Variants in TRARG1 observed in about 807,000 individuals in gnomAD.
The protein encoded by TRARG1 is trafficking regulator of GLUT4 (SLC2A4) 1 (gene/pseudogene), also known as trafficking regulator of GLUT4 1.
A neutral mutation model predicts 13.3 loss-of-function variants in TRARG1; 16 were observed. The ratio of observed to expected loss-of-function variants is 1.20; its 90% CI spans 0.81 to 1.83. The LOEUF is 1.83. Ranked by LOEUF, TRARG1 falls within the 40% of genes most tolerant of loss-of-function variation. TRARG1 has a pLI of 0.00. For missense variants in TRARG1, 250 were observed against 237.4 expected, an observed-to-expected ratio of 1.05 and a Z score of -0.35; for synonymous variants, 113 against 106.2, an observed-to-expected ratio of 1.06 and a Z score of -0.39.
chr17:1,292,717 A>T (rs954852648), intron 1 of TRARG1, among the ~76,000 whole-genome samples: 2 of 152,334 alleles, frequency 1.3e-5, no homozygotes, highest in Admixed American at 6.5e-5. Context: ...TCCTTCCTCC[A>T]GGAAGTCTTC....
intron 1 of TRARG1, among the ~76,000 whole-genome samples, chr17:1,282,178 GTGCGTATATGTACGTGTA>G (rs1310605741): frequency 7.0e-6 from 1 of 143,392 alleles, no homozygotes; most frequent in African/African-American, 2.8e-5. Flanking sequence ...ACGTATACAC[GTGCGTATATGTACGTGTA>G]CACGTGCGTA....
chr17:1,289,436 C>CCGGGTTCCTCATCCCCCAG (rs2072054798), intron 1 of TRARG1, among the ~76,000 whole-genome samples: 1 of 125,172 alleles, frequency 8.0e-6, no homozygotes, highest in African/African-American at 3.1e-5. Flanking sequence ...TCATCCCCCA[C>CCGGGTTCCTCATCCCCCAG]GGGCTCCTCA....
rs2072143950 is a variant in TRARG1 at position 1,300,089 on chromosome 17, T to C, written c.*1825T>C. On this transcript the variant is annotated 3_prime_UTR_variant, in exon 3 of 3. Transcript: ENST00000333813. ...TCCTGCTCATACAGAAGGGACTGGT[T>C]GGGTTTGCTTTATGGGATCTTTGAG... 6.6e-6 allele frequency: 1 copy of C among 152,236 alleles called. No homozygotes were observed. The highest frequency in any genetic ancestry group is 1.5e-5 in the Non-Finnish European group (1 of 68,076). 9.4% of individuals were successfully genotyped at this position (152,236 alleles called of 1,614,324 possible).
chr17:1,296,908 G>C (rs1266619530), intron 2 of TRARG1, among the ~76,000 whole-genome samples: 1 of 151,550 alleles, frequency 6.6e-6, no homozygotes, highest in Non-Finnish European at 1.5e-5. Context: ...GCCTCCTAAA[G>C]TGCTGGGATG....
rs201625477 is a variant in TRARG1, at chr17:1,280,161, G to A, written c.160G>A (p.Glu54Lys). The A allele has an allele frequency of 2.0e-4, 320 of 1,614,024 alleles. No homozygotes were observed. The highest frequency in any genetic ancestry group is 2.5e-4 in the Non-Finnish European group (290 of 1,179,984). Reference protein sequence around the residue: ...SKTLSGPLDLEQNSQGLPFKA... With the variant: ...SKTLSGPLDLKQNSQGLPFKA... ...GACCCTCTCGGGGCCTCTGGATCTGGAGCAGAACAGCCAGGGCCTACCCTT... is the reference window on the plus strand; with the variant it reads ...GACCCTCTCGGGGCCTCTGGATCTGAAGCAGAACAGCCAGGGCCTACCCTT... Residue 54 changes from glutamate to lysine, a missense_variant, in exon 1 of 3, where the codon GAG (glutamate) becomes AAG (lysine). Transcript: ENST00000333813.
chr17:1,295,355 A>C, intron 1 of TRARG1, 136 bp from the exon 2 acceptor site: 2 of 1,141,042 alleles, frequency 1.8e-6, no homozygotes, highest in Non-Finnish European at 2.5e-6. Context: ...CCTCTCCCCT[A>C]GAGTGTGGGC....
intron 1 of TRARG1, among the ~76,000 whole-genome samples, chr17:1,282,089 T>G (rs531126247): frequency 6.7e-6 from 1 of 149,870 alleles, no homozygotes; most frequent in East Asian, 2.0e-4. Flanking sequence ...TATATGTACA[T>G]ATATACGTAT....
intron 1 of TRARG1, among the ~76,000 whole-genome samples, chr17:1,282,057 T>TACACGTATAC (rs2071979124): frequency 1.6e-5 from 1 of 63,918 alleles, no homozygotes; most frequent in African/African-American, 6.1e-5. Context: ...TACACATATG[T>TACACGTATAC]ACATGTATAC....
At chr17:1,285,797 G>T (rs2072015685) in intron 1 of TRARG1, among the ~76,000 whole-genome samples, 1 of 151,846 alleles carries the variant, frequency 6.6e-6, no homozygotes, top group Non-Finnish European at 1.5e-5. Flanking sequence ...GAGATGTGGG[G>T]GTCTCTAACA....
At position 1,300,754 on chromosome 17, in the gene TRARG1, GCCC is replaced by G. The variant is rs2072149829; in HGVS notation, c.*2492_*2494del. ...TGGACGGAGGGTCCCCACAGCCCGT[GCCC>G]CACGCCGCCTGGAGGCCAGAGGGGT... is the stretch of plus-strand genomic sequence containing the variant. On this transcript the variant is annotated 3_prime_UTR_variant, in exon 3 of 3. Transcript: ENST00000333813. The G allele has an allele frequency of 3.9e-5, 6 of 152,434 alleles. No homozygotes were observed. Among genetic ancestry groups the G allele is most frequent in the Non-Finnish European group, 8.8e-5 (6 of 68,202 alleles). 9.4% of individuals were successfully genotyped at this position (152,434 alleles called of 1,614,324 possible).
At chr17:1,280,680 C>T (rs1336609992) in intron 1 of TRARG1, among the ~76,000 whole-genome samples, 4 of 152,166 alleles carry the variant, frequency 2.6e-5, no homozygotes, top group East Asian at 1.9e-4. Context: ...CGATACATCC[C>T]GCGGGGCAGA....
intron 1 of TRARG1, among the ~76,000 whole-genome samples, chr17:1,282,045 TGTAC>T: frequency 7.3e-6 from 1 of 137,194 alleles, no homozygotes; most frequent in African/African-American, 2.8e-5. Flanking sequence ...TACACACATA[TGTAC>T]ACATATGTAC....
chr17:1,295,851 G>A (rs2072107669), intron 2 of TRARG1, among the ~76,000 whole-genome samples: 1 of 152,230 alleles, frequency 6.6e-6, no homozygotes, highest in Non-Finnish European at 1.5e-5. Context: ...GTGAACTGAT[G>A]GAAAGGGTGT....
At chr17:1,282,078 ATATATGTACATATATACG>A (rs1567927984) in intron 1 of TRARG1, among the ~76,000 whole-genome samples, 1 of 150,790 alleles carries the variant, frequency 6.6e-6, no homozygotes, top group African/African-American at 2.4e-5. Context: ...ACATATATAC[ATATATGTACATATATACG>A]TATATGTGTA....
At chr17:1,297,589 G>T (rs1312489576) in intron 2 of TRARG1, among the ~76,000 whole-genome samples, 5 of 143,762 alleles carry the variant, frequency 3.5e-5, no homozygotes, top group African/African-American at 1.3e-4. Flanking sequence ...ATTTTAGCCA[G>T]GACTTTTTTT....
At chr17:1,297,848 G>A (rs879614419) in intron 2 of TRARG1, among the ~76,000 whole-genome samples, 50 of 152,114 alleles carry the variant, frequency 3.3e-4, no homozygotes, top group South Asian at 6.2e-4. Context: ...CAGGTGATCT[G>A]CCCGCCTCTG....
At chr17:1,297,664 C>T (rs899140285) in intron 2 of TRARG1, among the ~76,000 whole-genome samples, 16 of 148,444 alleles carry the variant, frequency 1.1e-4, no homozygotes, top group Non-Finnish European at 1.9e-4. Flanking sequence ...AGTGCAATGG[C>T]ACAATCTCGG....
At chr17:1,282,753 G>C (rs1052547472) in intron 1 of TRARG1, among the ~76,000 whole-genome samples, 5 of 151,944 alleles carry the variant, frequency 3.3e-5, no homozygotes, top group Admixed American at 3.3e-4. Context: ...GCAATGGTGC[G>C]ATCTTGGCTC....
In TRARG1 at chr17:1,295,617, T is replaced by C. The variant is rs760454130; in HGVS notation, c.514T>C (p.Phe172Leu). 1.2e-6 allele frequency: 2 copies of C among 1,611,146 alleles called. No homozygotes were observed. Among genetic ancestry groups the C allele is most frequent in the Admixed American group, 1.7e-5 (1 of 59,798 alleles). ...TATCATGGTGGCCGTGACCGTCAAC[T>C]TCACAGGTGAGACCCAGCTCCTTGG... Reference protein sequence around the residue: ...VIIMVAVTVNFTVQKK With the variant: ...VIIMVAVTVNLTVQKK The change falls in exon 2 of 3, where the codon TTC becomes CTC. Residue 172 changes from phenylalanine to leucine, a missense_variant. By Grantham distance (22) the Phe-to-Leu change is conservative. Coordinates refer to ENST00000333813, the MANE Select transcript of TRARG1 (RefSeq NM_172367.3).
Sources: allele counts gnomAD v4.1 joint callset (sites outside exome capture counted in the v4.1 genomes callset), GRCh38; gene constraint gnomAD v4.1.1; transcripts MANE v1.5; gene names NCBI Gene and HGNC (gene_info 2026-07-23, HGNC 2026-07-21).